Variants in TEKT5 observed in about 807,000 individuals in gnomAD.
TEKT5 encodes tektin 5, also known as tektin-5.
In TEKT5, 52 loss-of-function variants were observed where a neutral mutation model predicts 48.7. The observed-to-expected ratio is 1.07, with a 90% CI of 0.86 to 1.35. TEKT5 has a LOEUF of 1.35. Among genes scored for constraint, TEKT5 ranks in the 40% most tolerant of loss-of-function variants. The pLI is 0.00. For synonymous variants in TEKT5, 318 were observed against 267.6 expected (o/e 1.19, Z -1.84); for missense variants, 831 against 641.6 (o/e 1.30, Z -3.19).
intron 5 of TEKT5, among the ~76,000 whole-genome samples, chr16:10,659,216 C>T (rs1898317848): frequency 6.6e-6 from 1 of 152,214 alleles, no homozygotes; most frequent in African/African-American, 2.4e-5. Flanking sequence ...CATGTGCGCA[C>T]ACACGTAAAA....
rs528702868 is a variant in TEKT5, at chr16:10,664,642, C to A, written c.1086+11317G>T. 1.7e-4 allele frequency among the ~76,000 whole-genome samples: 26 copies of A among 152,352 alleles called. No homozygotes were observed. The South Asian group carries it at 5.2e-3, about 30-fold the overall frequency. On this transcript the variant is annotated intron_variant, in intron 5 of 6. Coordinates refer to ENST00000283025, the MANE Select transcript of TEKT5 (RefSeq NM_144674.2). ...GCATCTGGGCAATTCCAATGTGGCA[C>A]TAAGGCTGAGAGCGGCTCACCTGCA...
intron 1 of TEKT5, among the ~76,000 whole-genome samples, chr16:10,693,935 A>G (rs1201102732): frequency 6.6e-6 from 1 of 152,196 alleles, no homozygotes; most frequent in Non-Finnish European, 1.5e-5. Context: ...GAGCCACTGC[A>G]CTCCAGCTTG....
chr16:10,656,513 A>G (rs1354150894), intron 5 of TEKT5, among the ~76,000 whole-genome samples: 2 of 151,792 alleles, frequency 1.3e-5, no homozygotes, highest in Non-Finnish European at 2.9e-5. Context: ...TTGGCCTCCC[A>G]AAGTGCTGAG....
chr16:10,671,557 T>C (rs1898548910), intron 5 of TEKT5, among the ~76,000 whole-genome samples: 1 of 152,254 alleles, frequency 6.6e-6, no homozygotes, highest in Non-Finnish European at 1.5e-5. Context: ...TACTGTATGA[T>C]TCCACTTATA....
chr16:10,668,996 T>C (rs1348687155), intron 5 of TEKT5, among the ~76,000 whole-genome samples: 1 of 152,186 alleles, frequency 6.6e-6, no homozygotes, highest in African/African-American at 2.4e-5. Context: ...GAGCTCTGAA[T>C]TGCTAGAGCT....
chr16:10,631,908 C>T (rs143707240), intron 6 of TEKT5, among the ~76,000 whole-genome samples: 9 of 152,180 alleles, frequency 5.9e-5, no homozygotes, highest in Non-Finnish European at 1.3e-4. Flanking sequence ...TTGTCTGTAG[C>T]CACCCAGTTT....
chr16:10,649,373 A>T (rs961228919), intron 5 of TEKT5, among the ~76,000 whole-genome samples: 2 of 151,944 alleles, frequency 1.3e-5, no homozygotes, highest in Non-Finnish European at 2.9e-5. Flanking sequence ...AGCCTCCCAA[A>T]GTTCTGGGAT....
At chr16:10,656,652 G>C (rs760103750) in intron 5 of TEKT5, among the ~76,000 whole-genome samples, 15 of 152,196 alleles carry the variant, frequency 9.9e-5, no homozygotes, top group Non-Finnish European at 4.4e-5. Context: ...ATAATAAACT[G>C]ATGTCAAGAG....
At chr16:10,647,730 T>C (rs560397745) in intron 5 of TEKT5, among the ~76,000 whole-genome samples, 7 of 152,206 alleles carry the variant, frequency 4.6e-5, no homozygotes, top group Non-Finnish European at 8.8e-5. Flanking sequence ...GCCTGTCTCC[T>C]GGGTCTGGGA....
intron 5 of TEKT5, among the ~76,000 whole-genome samples, chr16:10,672,953 C>T (rs955846531): frequency 8.6e-5 from 13 of 151,702 alleles, no homozygotes; most frequent in Non-Finnish European, 1.8e-4. Context: ...ACCTCCCAGG[C>T]TCAAGTGATC....
In TEKT5 at chr16:10,652,638, A is replaced by ACC. The variant is rs1898181004; in HGVS notation, c.1087-16721_1087-16720insGG. 3.7e-5 allele frequency among the ~76,000 whole-genome samples: 2 copies of ACC among 53,458 alleles called. 1 individual carries two copies. Among genetic ancestry groups the ACC allele is most frequent in the African/African-American group, 1.9e-4 (2 of 10,784 alleles). 35.1% of individuals were successfully genotyped at this position (53,458 alleles called of 152,430 possible). On this transcript the variant is annotated intron_variant, in intron 5 of 6. Transcript: ENST00000283025. ...CACACACACACACACACACACACAC[A>ACC]CACCCTCCAGGCCAAGTAGAGCGAT...
chr16:10,635,817 C>A lies in TEKT5; in HGVS notation c.1188G>T (p.Glu396Asp). 6.2e-7 allele frequency: 1 copy of A among 1,614,210 alleles called. No homozygotes were observed. The highest frequency in any genetic ancestry group is 2.2e-5 in the East Asian group (1 of 44,888). Residue 396 changes from glutamate to aspartate, a missense_variant, in exon 6 of 7, where the codon GAG (glutamate) becomes GAT (aspartate). Glu to Asp is a conservative substitution (Grantham distance 45). Coordinates refer to ENST00000283025, the MANE Select transcript of TEKT5 (RefSeq NM_144674.2). ...CCATGTTGGGGCGCCGGGTCCGGCA[C>A]TCCAGCCTTGTCTGGGCCACCTTCA... Reference protein sequence around the residue: ...GPLKVAQTRLECRTRRPNMEL... With the variant: ...GPLKVAQTRLDCRTRRPNMEL...
At position 10,627,565 on chromosome 16, in the gene TEKT5, G is replaced by A. The variant is rs772715355; in HGVS notation, c.*18C>T. 5 of 1,612,088 alleles carry A rather than the reference G, an allele frequency of 3.1e-6. No individual in the cohort carries two copies. In the African/African-American group the frequency reaches 6.7e-5, roughly 22 times the overall value. On this transcript the variant is annotated 3_prime_UTR_variant, in exon 7 of 7. Transcript: ENST00000283025. ...TTCCAATTTTACGCCAGCGCGGAAT[G>A]AGGCGCCAGGGCGGTGCTCAGGTGT...
At chr16:10,688,887 G>A (rs1417250597) in intron 3 of TEKT5, among the ~76,000 whole-genome samples, 6 of 152,230 alleles carry the variant, frequency 3.9e-5, no homozygotes, top group Non-Finnish European at 2.9e-5. Context: ...GAACTCAAAT[G>A]GGGAAGCCAC....
chr16:10,672,522 G>A (rs1385776408), intron 5 of TEKT5, among the ~76,000 whole-genome samples: 1 of 152,162 alleles, frequency 6.6e-6, no homozygotes, highest in Non-Finnish European at 1.5e-5. Flanking sequence ...CTTGAACCAG[G>A]GAGGCAGAGG....
intron 5 of TEKT5, among the ~76,000 whole-genome samples, chr16:10,643,385 A>C (rs1898023155): frequency 6.6e-6 from 1 of 152,064 alleles, no homozygotes; most frequent in South Asian, 2.1e-4. Context: ...TCTCTTAAAA[A>C]AAAAAAAAGT....
chr16:10,690,805 C>T lies in TEKT5; in HGVS notation c.565-780G>A, dbSNP rs114364269. The T allele has an allele frequency of 1.0e-3, 1,032 of 984,858 alleles. 8 individuals are homozygous for T. In the African/African-American group the frequency reaches 0.016, roughly 16 times the overall value. The allele number at this position is 984,858 out of a possible 1,614,324, so 61.0% of individuals were successfully genotyped here. A position where few individuals can be genotyped will look rare whatever the true frequency, so the allele number is the denominator to read the frequency against. Reference sequence around the variant, plus strand: ...AACAGCAGTGATTAGCAAACCAGCCCGTGATGTCACAAAGGGCCCAGGAGC... The same window carrying T: ...AACAGCAGTGATTAGCAAACCAGCCTGTGATGTCACAAAGGGCCCAGGAGC... On this transcript the variant is annotated intron_variant, in intron 1 of 6. Coordinates refer to ENST00000283025, the MANE Select transcript of TEKT5 (RefSeq NM_144674.2).
intron 4 of TEKT5, 71 bp downstream of exon 4, chr16:10,681,922 C>G (rs1596417608): frequency 6.4e-7 from 1 of 1,564,638 alleles, no homozygotes; most frequent in East Asian, 2.3e-5. Context: ...CTTCGCCATT[C>G]GTTGGCAGGA....
chr16:10,637,933 G>T (rs60431926), intron 5 of TEKT5, among the ~76,000 whole-genome samples: 7,876 of 152,154 alleles, frequency 0.052, 588 homozygotes, highest in African/African-American at 0.17. Context: ...GCCTCAGCCT[G>T]GCAAGTAACA....
Sources: gnomAD v4.1 joint callset for allele counts (sites outside exome capture counted in the v4.1 genomes callset) on GRCh38, gnomAD v4.1.1 for gene constraint, MANE v1.5 for transcripts, NCBI Gene and HGNC (gene_info 2026-07-23, HGNC 2026-07-21) for gene names.